Variants in LTB observed in about 807,000 individuals in gnomAD.
The protein encoded by LTB is lymphotoxin beta.
In LTB, 17 loss-of-function variants were observed where a neutral mutation model predicts 14.7. That is an observed-to-expected ratio of 1.16 (90% CI 0.79 to 1.73). The LOEUF (loss-of-function observed/expected upper bound fraction) is 1.73. Ranked by LOEUF, LTB falls within the 40% of genes most tolerant of loss-of-function variation. The probability of loss-of-function intolerance (pLI) is 0.00; values close to 1 mark genes in which losing one functional copy is unlikely to be tolerated. For missense variants in LTB, 288 were observed against 324.3 expected (o/e 0.89, Z 0.86); for synonymous variants, 163 against 157.3 (o/e 1.04, Z -0.27).
chr6:31,581,952 T>C (rs2150395342), intron 1 of LTB, 93 bp from the exon 2 acceptor site: 2 of 1,291,010 alleles, frequency 1.5e-6, no homozygotes, highest in African/African-American at 1.5e-5. Context: ...GGCCTGGGGT[T>C]TCTCCTACCA....
intron 1 of LTB, 125 bp downstream of exon 1, chr6:31,582,131 G>C (rs1771587642): frequency 8.9e-7 from 1 of 1,129,914 alleles, no homozygotes; most frequent in Non-Finnish European, 1.3e-6. Flanking sequence ...AAAGAGACAA[G>C]ACATCCCCAC....
chr6:31,581,848 C>T lies in LTB; in HGVS notation c.174G>A (p.Thr58=), dbSNP rs137958291. 6.3e-7 allele frequency: 1 copy of T among 1,596,380 alleles called. No individual in the cohort carries two copies. Among genetic ancestry groups the T allele is most frequent in the Non-Finnish European group, 8.5e-7 (1 of 1,172,874 alleles). The part of the protein sequence containing the change: ...PQDQGGLVTE[T]ADPGAQAQQG... ...GCTGGGCCTGTGCCCCGGGGTCGGC[C>T]GTCTCCGTTACCTGGTTGGGTGGGG... is the stretch of plus-strand genomic sequence containing the variant. Residue 58 remains threonine (T), a synonymous_variant, in exon 2 of 4, where the codon ACG becomes ACA. Coordinates refer to ENST00000429299, the MANE Select transcript of LTB (RefSeq NM_002341.2).
Position 31,581,649 on chromosome 6 carries a change from C to T in LTB, c.209-19G>A. ...TGAAACCCTGGAAGGGGCAAAGAGT[C>T]CACGATTGGGGGCAGGGCAGCCACC... On this transcript the variant is annotated intron_variant, in intron 2 of 3. Coordinates refer to ENST00000429299, the MANE Select transcript of LTB (RefSeq NM_002341.2). 1 of 1,612,140 alleles carries T rather than the reference C, an allele frequency of 6.2e-7. No homozygotes were observed. The highest frequency in any genetic ancestry group is 8.5e-7 in the Non-Finnish European group (1 of 1,179,264).
chr6:31,581,858 A>T lies in LTB; in HGVS notation c.164T>A (p.Val55Glu), dbSNP rs777963449. Residue 55 changes from valine (V) to glutamate (E), a missense_variant and splice_region_variant, in exon 2 of 4, where the codon GTA becomes GAA. Around this residue, in one of 2 missense-constraint regions of LTB, gnomAD observed 284 missense variants for 299.2 expected, o/e 0.95. Transcript: ENST00000429299. ...ALVPQDQGGL[V>E]TETADPGAQA... ...TGCCCCGGGGTCGGCCGTCTCCGTT[A>T]CCTGGTTGGGTGGGGTCACAGTGCC... 3 of 1,591,272 alleles carry T rather than the reference A, an allele frequency of 1.9e-6. No individual in the cohort carries two copies. The highest frequency in any genetic ancestry group is 2.2e-5 in the East Asian group (1 of 44,780).
chr6:31,580,727 C>A lies in LTB; in HGVS notation c.717G>T (p.Gly239=). ...TATTCCCTCACCCCACCATCACGGC[C>A]CCAAAGAAGGTCTTCCCTCTCGCGA... ...VDFARGKTFF[G]AVMVG The change falls in exon 4 of 4, where the codon GGG becomes GGT. Residue 239 remains glycine (G), a synonymous_variant. Coordinates refer to ENST00000429299, the MANE Select transcript of LTB (RefSeq NM_002341.2). This position sits in a 1 kb window ranked among gnomAD's most constrained non-coding sequence, Gnocchi z 6.6. 1 of 1,611,354 alleles carries A rather than the reference C, an allele frequency of 6.2e-7. No homozygotes were observed.
chr6:31,582,109 A>C, intron 1 of LTB, 147 bp downstream of exon 1: 6 of 966,014 alleles, frequency 6.2e-6, no homozygotes, highest in Non-Finnish European at 9.5e-6. Flanking sequence ...GGAACATGGA[A>C]AGAGAGTCAG....
chr6:31,581,897 C>T (rs527383173), intron 1 of LTB, 38 bp from the exon 2 acceptor site: 3 of 1,547,994 alleles, frequency 1.9e-6, no homozygotes, highest in Non-Finnish European at 2.6e-6. Flanking sequence ...AGTTCAGATT[C>T]AGCTCATGTC....
At chr6:31,581,954 C>G (rs185251429) in intron 1 of LTB, 95 bp from the exon 2 acceptor site, 1 of 1,267,940 alleles carries the variant, frequency 7.9e-7, no homozygotes, top group Non-Finnish European at 1.1e-6. Context: ...CCTGGGGTTT[C>G]TCCTACCAGC....
intron 1 of LTB, 74 bp from the exon 2 acceptor site, chr6:31,581,933 C>T (rs1771562071): frequency 6.9e-7 from 1 of 1,448,102 alleles, no homozygotes; most frequent in East Asian, 2.3e-5. Context: ...AAAGTGGACC[C>T]AAGCTGCAGG....
chr6:31,581,184 G>T, intron 3 of LTB, 21 bp from the exon 4 acceptor site: 2 of 1,512,506 alleles, frequency 1.3e-6, no homozygotes, highest in Non-Finnish European at 1.8e-6. Flanking sequence ...ACGGGCCGAC[G>T]CGCTCTTGGG....
chr6:31,581,962 A>T (rs1732832338), intron 1 of LTB, 103 bp from the exon 2 acceptor site: 1 of 1,190,402 alleles, frequency 8.4e-7, no homozygotes, highest in Non-Finnish European at 1.2e-6. Flanking sequence ...TTCTCCTACC[A>T]GCACCATCCC....
Position 31,582,353 on chromosome 6 carries a change from G to C in LTB, c.65C>G (p.Ala22Gly). ...RLQGRGSLLL[A>G]VAGATSLVTL... Reference sequence around the variant, plus strand: ...CACCAGAGAAGTGGCTCCTGCCACAGCTAGCAGGAGGGAACCCCTCCCCTG... The same window carrying C: ...CACCAGAGAAGTGGCTCCTGCCACACCTAGCAGGAGGGAACCCCTCCCCTG... The change falls in exon 1 of 4, where the codon GCT (alanine) becomes GGT (glycine). Residue 22 changes from alanine to glycine, a missense_variant. Coordinates refer to ENST00000429299, the MANE Select transcript of LTB (RefSeq NM_002341.2). The C allele has an allele frequency of 6.2e-7, 1 of 1,612,948 alleles. No individual in the cohort carries two copies. Among genetic ancestry groups the C allele is most frequent in the Non-Finnish European group, 8.5e-7 (1 of 1,179,908 alleles).
chr6:31,581,956 C>G (rs1771564410), intron 1 of LTB, 97 bp from the exon 2 acceptor site: 2 of 1,222,248 alleles, frequency 1.6e-6, no homozygotes, highest in African/African-American at 3.0e-5. Flanking sequence ...TGGGGTTTCT[C>G]CTACCAGCAC....
chr6:31,581,495 T>C, intron 3 of LTB, 64 bp downstream of exon 3: 1 of 1,486,564 alleles, frequency 6.7e-7, no homozygotes, highest in Non-Finnish European at 9.4e-7. Flanking sequence ...CGAAGGACTC[T>C]GGGCGAGCAG....
rs1310794002 is a variant in LTB at position 31,580,771 on chromosome 6, G to A, written c.673C>T (p.His225Tyr). The A allele has an allele frequency of 6.2e-7, 1 of 1,613,060 alleles. No homozygotes were observed. Among genetic ancestry groups the A allele is most frequent in the East Asian group, 2.2e-5 (1 of 44,880 alleles). The change falls in exon 4 of 4, where the codon CAC becomes TAC. Residue 225 changes from histidine to tyrosine, a missense_variant. Physicochemically the swap from His to Tyr is moderately conservative, Grantham distance 83. Around this residue, in one of 2 missense-constraint regions of LTB, gnomAD observed 284 missense variants for 299.2 expected, o/e 0.95. Coordinates refer to ENST00000429299, the MANE Select transcript of LTB (RefSeq NM_002341.2). The surrounding 1 kb of genome is among the most constrained non-coding windows in gnomAD (Gnocchi z 6.6). The part of the protein sequence containing the change: ...RGERVYVNIS[H>Y]PDMVDFARGK... The stretch of plus-strand genomic sequence containing the variant: ...CTCGCGAAGTCCACCATATCGGGGT[G>A]ACTGATGTTGACGTACACCCTCTCG...
At position 31,580,598 on chromosome 6, in the gene LTB, C is replaced by T; in HGVS notation, c.*111G>A. 1 of 1,008,572 alleles carries T rather than the reference C, an allele frequency of 9.9e-7. No homozygotes were observed. The highest frequency in any genetic ancestry group is 1.5e-6 in the Non-Finnish European group (1 of 676,058). The allele number at this position is 1,008,572 out of a possible 1,614,324, so 62.5% of individuals were successfully genotyped here. A position where few individuals can be genotyped will look rare whatever the true frequency, so the allele number is the denominator to read the frequency against. The stretch of plus-strand genomic sequence containing the variant: ...GAAGCTTTCCATTCTTTATTTTCAT[C>T]AGGTTCAAAATCAATTTCCAAACAG... On this transcript the variant is annotated 3_prime_UTR_variant, in exon 4 of 4. Coordinates refer to ENST00000429299, the MANE Select transcript of LTB (RefSeq NM_002341.2). This position sits in a 1 kb window ranked among gnomAD's most constrained non-coding sequence, Gnocchi z 6.6.
chr6:31,581,684 T>G (rs1771529246), intron 2 of LTB, 54 bp from the exon 3 acceptor site: 1 of 1,599,954 alleles, frequency 6.3e-7, no homozygotes, highest in East Asian at 2.2e-5. Flanking sequence ...CCATGCAGGC[T>G]ACCCTTGAGA....
intron 1 of LTB, 191 bp from the exon 2 acceptor site, chr6:31,582,050 G>T: frequency 1.3e-6 from 1 of 761,942 alleles, no homozygotes; most frequent in Non-Finnish European, 2.1e-6. Flanking sequence ...CTCGGGAAGA[G>T]GAGAGGAGAC....
intron 2 of LTB, 79 bp downstream of exon 2, chr6:31,581,732 GGAA>G: frequency 6.2e-7 from 1 of 1,602,112 alleles, no homozygotes; most frequent in South Asian, 1.1e-5. Flanking sequence ...GATTCCTAGA[GGAA>G]GAGGTATCTG....
Sources: allele counts gnomAD v4.1 joint callset, GRCh38; gene constraint gnomAD v4.1.1; regional missense constraint gnomAD v4.1.1; non-coding constraint Gnocchi (gnomAD v3.1); transcripts MANE v1.5; gene names NCBI Gene and HGNC (gene_info 2026-07-23, HGNC 2026-07-21).